RANGAP1: variants seen among roughly 807,000 people sequenced by gnomAD.
The protein encoded by RANGAP1 is Ran GTPase activating protein 1.
Under a neutral mutation model 63.5 loss-of-function variants are expected in RANGAP1, and 38 were observed. The observed-to-expected ratio is 0.60, with a 90% CI of 0.46 to 0.78. The LOEUF (loss-of-function observed/expected upper bound fraction) is 0.78. RANGAP1 is among the 30% of genes least tolerant of loss of function. RANGAP1 has a pLI of 0.00. For missense variants in RANGAP1, 630 were observed against 740.3 expected (o/e 0.85, Z 1.73); for synonymous variants, 329 against 310.5 (o/e 1.06, Z -0.63).
intron 1 of RANGAP1, chr22:41,281,497 T>A: frequency 1.0e-6 from 1 of 992,840 alleles, no homozygotes; most frequent in Non-Finnish European, 1.2e-6. Flanking sequence ...GAGGGTCCCA[T>A]TCCTCAAACA....
In RANGAP1 at chr22:41,276,257, G is replaced by A. The variant is rs531987998; in HGVS notation, c.113-1530C>T. 2.6e-5 allele frequency among the ~76,000 whole-genome samples: 4 copies of A among 152,336 alleles called. No individual in the cohort carries two copies. In the East Asian group the frequency reaches 7.7e-4, roughly 29 times the overall value. On this transcript the variant is annotated intron_variant, in intron 2 of 15. Transcript: ENST00000356244. The stretch of plus-strand genomic sequence containing the variant: ...CTAGCTGGTAGGATAATGGGTGATT[G>A]TGTGTTTTTAACTATTTGAAGTAAA...
chr22:41,297,044 T>C, the RANGAP1 span, among the ~76,000 whole-genome samples: 1 of 152,320 alleles, frequency 6.6e-6, no homozygotes, highest in Non-Finnish European at 1.5e-5. Flanking sequence ...AAACCGTTAC[T>C]ACCAAAAATA....
chr22:41,263,151 C>T (rs184182810), intron 5 of RANGAP1, among the ~76,000 whole-genome samples: 2 of 152,272 alleles, frequency 1.3e-5, no homozygotes, highest in Admixed American at 1.3e-4. Flanking sequence ...TTCCCCAACT[C>T]ACCCCATTAC....
At chr22:41,255,204 C>A (rs2033745654) in intron 10 of RANGAP1, among the ~76,000 whole-genome samples, 1 of 152,040 alleles carries the variant, frequency 6.6e-6, no homozygotes, top group Non-Finnish European at 1.5e-5. Flanking sequence ...TGTCCTTGCC[C>A]CATAGGAAGG....
rs1354588531 is a variant in RANGAP1 at position 41,256,700 on chromosome 22, C to T, written c.888+11G>A. ...CCCCAGAGGGAGGACGTCAGGCGTC[C>T]AGGCTGGCACCTTTAGCTTGGGCAG... is the stretch of plus-strand genomic sequence containing the variant. On this transcript the variant is annotated intron_variant, in intron 8 of 15. Transcript: ENST00000356244. The T allele has an allele frequency of 1.9e-6, 3 of 1,612,164 alleles. No individual in the cohort carries two copies. Among genetic ancestry groups the T allele is most frequent in the Non-Finnish European group, 2.5e-6 (3 of 1,178,902 alleles).
intron 3 of RANGAP1, among the ~76,000 whole-genome samples, chr22:41,270,287 C>G (rs947956526): frequency 2.0e-5 from 3 of 151,844 alleles, no homozygotes; most frequent in African/African-American, 7.3e-5. Context: ...ATTACAGGCA[C>G]CCGCCACCGC....
At chr22:41,277,355 G>A in intron 2 of RANGAP1, 1 of 676,834 alleles carries the variant, frequency 1.5e-6, no homozygotes, top group Non-Finnish European at 2.2e-6. Context: ...TGGGATTACA[G>A]GCGTGAGCCA....
At chr22:41,291,933 TC>T in the RANGAP1 span, among the ~76,000 whole-genome samples, 1 of 151,356 alleles carries the variant, frequency 6.6e-6, no homozygotes, top group East Asian at 2.0e-4. Flanking sequence ...ATTCCTTTTT[TC>T]TTTTTTTGGT....
chr22:41,277,483 A>G (rs1395474097), intron 2 of RANGAP1: 4 of 1,197,620 alleles, frequency 3.3e-6, no homozygotes, highest in Non-Finnish European at 4.4e-6. Context: ...ACATGAAACA[A>G]AAAGTTGAGT....
chr22:41,284,116 G>A (rs1349864075), intron 1 of RANGAP1, among the ~76,000 whole-genome samples: 3 of 151,964 alleles, frequency 2.0e-5, no homozygotes, highest in Non-Finnish European at 4.4e-5. Flanking sequence ...GCCTGGTGGC[G>A]GGGGCCTGTA....
At chr22:41,284,595 GGTGTA>G (rs1248763034) in intron 1 of RANGAP1, among the ~76,000 whole-genome samples, 2 of 152,102 alleles carry the variant, frequency 1.3e-5, no homozygotes, top group Non-Finnish European at 1.5e-5. Context: ...ACCAGAGTCG[GGTGTA>G]ATGGTTCACT....
At chr22:41,265,046 C>A (rs1449304473) in intron 4 of RANGAP1, among the ~76,000 whole-genome samples, 1 of 152,228 alleles carries the variant, frequency 6.6e-6, no homozygotes. Context: ...ATGCGTATGC[C>A]TGGAGTGGCC....
chr22:41,287,371 G>C (rs950204569), upstream of RANGAP1, among the ~76,000 whole-genome samples: 8 of 101,696 alleles, frequency 7.9e-5, no homozygotes, highest in Non-Finnish European at 1.6e-4. Context: ...CACAAACAGC[G>C]TTTTTTTTTT....
rs1033277948 is a variant in RANGAP1, at chr22:41,246,796, T to C, written c.1695-124A>G. 12 of 908,950 alleles carry C rather than the reference T, an allele frequency of 1.3e-5. No individual in the cohort carries two copies. The South Asian group carries it at 1.4e-4, about 10-fold the overall frequency. 56.3% of individuals were successfully genotyped at this position (908,950 alleles called of 1,614,324 possible). A position where few individuals can be genotyped will look rare whatever the true frequency, so the allele number is the denominator to read the frequency against. ...CACAACGACTCAGCAAGAGAGACAT[T>C]AGCCCTCTGCCTTCTGCACACCGTG... is the stretch of plus-strand genomic sequence containing the variant. On this transcript the variant is annotated intron_variant, in intron 15 of 15. Coordinates refer to ENST00000356244, the MANE Select transcript of RANGAP1 (RefSeq NM_002883.4).
chr22:41,274,827 T>C, intron 2 of RANGAP1, 100 bp from the exon 3 acceptor site: 4 of 1,464,640 alleles, frequency 2.7e-6, no homozygotes, highest in Non-Finnish European at 1.9e-6. Context: ...CAGTCTATGG[T>C]GCACCTACCA....
At chr22:41,292,330 G>A in the RANGAP1 span, among the ~76,000 whole-genome samples, 4 of 151,840 alleles carry the variant, frequency 2.6e-5, no homozygotes, top group Admixed American at 2.0e-4. Context: ...GGTATTTTTA[G>A]TAGAGATCGG....
chr22:41,268,172 G>C lies in RANGAP1; in HGVS notation c.241-16C>G. On this transcript the variant is annotated splice_polypyrimidine_tract_variant and intron_variant, in intron 3 of 15. Coordinates refer to ENST00000356244, the MANE Select transcript of RANGAP1 (RefSeq NM_002883.4). Reference sequence around the variant, plus strand: ...AGTGGCAGCGCTGCAACGGAAAGAAGAGAAGAGTTAGCGGGAGAGAGACCC... The same window carrying C: ...AGTGGCAGCGCTGCAACGGAAAGAACAGAAGAGTTAGCGGGAGAGAGACCC... 6.5e-7 allele frequency: 1 copy of C among 1,539,700 alleles called. No individual in the cohort carries two copies. Among genetic ancestry groups the C allele is most frequent in the Non-Finnish European group, 8.8e-7 (1 of 1,135,582 alleles).
At chr22:41,285,662 G>A (rs1277049837) in intron 1 of RANGAP1, 2 of 985,326 alleles carry the variant, frequency 2.0e-6, no homozygotes, top group Admixed American at 6.1e-5. Flanking sequence ...GGCGGCGCAG[G>A]AGCCCCATCT....
At chr22:41,268,622 G>A (rs769610181) in intron 3 of RANGAP1, among the ~76,000 whole-genome samples, 4 of 152,208 alleles carry the variant, frequency 2.6e-5, no homozygotes, top group Non-Finnish European at 1.5e-5. Context: ...GGTGGGACCT[G>A]GAGGCCAGTC....
Sources: gnomAD v4.1 joint callset for allele counts (sites outside exome capture counted in the v4.1 genomes callset) on GRCh38, gnomAD v4.1.1 for gene constraint, MANE v1.5 for transcripts, NCBI Gene and HGNC (gene_info 2026-07-23, HGNC 2026-07-21) for gene names.